Variants in TRIO observed in about 807,000 individuals in gnomAD.
The protein encoded by TRIO is trio Rho guanine nucleotide exchange factor, also known as triple functional domain protein.
Under a neutral mutation model 351.9 loss-of-function variants are expected in TRIO, and 58 were observed. The ratio of observed to expected loss-of-function variants is 0.16; its 90% CI spans 0.13 to 0.21. TRIO has a LOEUF of 0.21. Ranked by LOEUF, TRIO falls within the 10% of genes least tolerant of loss-of-function variation. The pLI, the probability that TRIO is intolerant of heterozygous loss-of-function variation, is 1.00. For synonymous variants in TRIO, 1,758 were observed against 1,595.7 expected, an observed-to-expected ratio of 1.10 and a Z score of -2.42; for missense variants, 3,201 against 4,027.8, an observed-to-expected ratio of 0.79 and a Z score of 5.56.
At chr5:14,393,998 C>A in intron 27 of TRIO, 40 bp from the exon 28 acceptor site, 1 of 1,372,060 alleles carries the variant, frequency 7.3e-7, no homozygotes. Context: ...AATAGTGTAG[C>A]CCTATGATAA....
chr5:14,348,996 C>T (rs1331637582), intron 11 of TRIO, among the ~76,000 whole-genome samples: 1 of 149,558 alleles, frequency 6.7e-6, no homozygotes, highest in Non-Finnish European at 1.5e-5. Flanking sequence ...TGTGCGCACG[C>T]ACATGAGCAT....
intron 13 of TRIO, among the ~76,000 whole-genome samples, chr5:14,360,595 G>T (rs1744058661): frequency 1.3e-5 from 2 of 152,244 alleles, no homozygotes; most frequent in South Asian, 4.1e-4. Context: ...TCAGGCTGGG[G>T]ATGGCAGGGC....
chr5:14,155,938 G>A (rs191036340), intron 1 of TRIO, among the ~76,000 whole-genome samples: 1 of 152,282 alleles, frequency 6.6e-6, no homozygotes, highest in East Asian at 1.9e-4. Context: ...TGATGGTTGC[G>A]AAATGTTGAT....
At chr5:14,418,594 C>G (rs1380094684) in intron 33 of TRIO, among the ~76,000 whole-genome samples, 1 of 152,170 alleles carries the variant, frequency 6.6e-6, no homozygotes, top group East Asian at 1.9e-4. Context: ...CATGATGAGT[C>G]ATGTCCCAGA....
At chr5:14,399,621 C>T (rs1180788905) in intron 30 of TRIO, among the ~76,000 whole-genome samples, 1 of 152,116 alleles carries the variant, frequency 6.6e-6, no homozygotes, top group Non-Finnish European at 1.5e-5. Context: ...AGACAGCTGC[C>T]CCTGAGTGCT....
At chr5:14,456,208 G>A (rs576614133) in intron 34 of TRIO, among the ~76,000 whole-genome samples, 9 of 152,328 alleles carry the variant, frequency 5.9e-5, no homozygotes, top group South Asian at 2.1e-4. Context: ...TCTTGCAGGC[G>A]CTAGCCTGCG....
intron 33 of TRIO, among the ~76,000 whole-genome samples, chr5:14,410,606 A>G (rs911468483): frequency 1.3e-5 from 2 of 152,220 alleles, no homozygotes; most frequent in Admixed American, 6.5e-5. Flanking sequence ...GACTTAATTT[A>G]TGATGTCTGT....
intron 34 of TRIO, among the ~76,000 whole-genome samples, chr5:14,455,480 T>G (rs1753214312): frequency 1.3e-5 from 2 of 151,996 alleles, no homozygotes; most frequent in South Asian, 4.1e-4. Context: ...TGCTGATTGG[T>G]GCATTTACAA....
chr5:14,472,701 G>C lies in TRIO; in HGVS notation c.5979+43G>C, dbSNP rs765602479. The C allele has an allele frequency of 7.5e-6, 12 of 1,605,618 alleles. No individual in the cohort carries two copies. In the African/African-American group the frequency reaches 1.5e-4, roughly 20 times the overall value. On this transcript the variant is annotated intron_variant, in intron 39 of 56. Coordinates refer to ENST00000344204, the MANE Select transcript of TRIO (RefSeq NM_007118.4). ...TTTAGTATCTTCGTATCAGTTCCAA[G>C]AGTTGTCAAAAGTAGTATCGTTTTA... is the stretch of plus-strand genomic sequence containing the variant.
At chr5:14,200,156 G>A (rs1791016932) in intron 1 of TRIO, among the ~76,000 whole-genome samples, 1 of 152,086 alleles carries the variant, frequency 6.6e-6, no homozygotes, top group Admixed American at 6.5e-5. Context: ...TATGTACTAG[G>A]GGCTTGGCTT....
chr5:14,402,702 A>G (rs1044955141), intron 31 of TRIO, among the ~76,000 whole-genome samples: 1 of 151,238 alleles, frequency 6.6e-6, no homozygotes, highest in Non-Finnish European at 1.5e-5. Flanking sequence ...TGATGGGGGT[A>G]TGGGTACAGA....
chr5:14,359,531 C>G lies in TRIO; in HGVS notation c.2391C>G (p.Asp797Glu), dbSNP rs544836641. Residue 797 changes from aspartate to glutamate, a missense_variant and splice_region_variant, in exon 13 of 57, where the codon GAC becomes GAG. Coordinates refer to ENST00000344204, the MANE Select transcript of TRIO (RefSeq NM_007118.4). The part of the protein sequence containing the change: ...QLRIFERDAI[D>E]IISDLESWND... Reference sequence around the variant, plus strand: ...GCATCTTCGAGAGGGACGCCATCGACGTGAGTGTCCCGCGGCTGGCGCCTG... The same window carrying G: ...GCATCTTCGAGAGGGACGCCATCGAGGTGAGTGTCCCGCGGCTGGCGCCTG... The G allele has an allele frequency of 6.2e-7, 1 of 1,612,868 alleles. No individual in the cohort carries two copies.
chr5:14,410,546 A>G (rs1224033797), intron 33 of TRIO, among the ~76,000 whole-genome samples: 1 of 152,234 alleles, frequency 6.6e-6, no homozygotes, highest in Non-Finnish European at 1.5e-5. Context: ...CTGATAACGC[A>G]GGCAGATGGA....
At chr5:14,354,708 C>T (rs549516613) in intron 11 of TRIO, among the ~76,000 whole-genome samples, 4 of 152,286 alleles carry the variant, frequency 2.6e-5, no homozygotes, top group Admixed American at 6.5e-5. Context: ...GAGGCAGCAC[C>T]GTTGGTAGCG....
chr5:14,300,048 G>T (rs1169093657), intron 7 of TRIO, among the ~76,000 whole-genome samples: 1 of 152,220 alleles, frequency 6.6e-6, no homozygotes, highest in Non-Finnish European at 1.5e-5. Flanking sequence ...GTCATCTCCA[G>T]TGAAGGTTGT....
At chr5:14,156,317 T>C (rs1322342153) in intron 1 of TRIO, among the ~76,000 whole-genome samples, 1 of 152,170 alleles carries the variant, frequency 6.6e-6, no homozygotes, top group South Asian at 2.1e-4. Context: ...TAGTAGTGAA[T>C]GGTATTTAGA....
chr5:14,234,235 T>C (rs1038523565), intron 1 of TRIO, among the ~76,000 whole-genome samples: 7 of 152,190 alleles, frequency 4.6e-5, no homozygotes, highest in African/African-American at 1.7e-4. Context: ...AGAGGTAGAA[T>C]GAATGGCAGA....
chr5:14,355,969 A>C (rs2042938), intron 11 of TRIO, among the ~76,000 whole-genome samples: 1 of 152,242 alleles, frequency 6.6e-6, no homozygotes, highest in African/African-American at 2.4e-5. Flanking sequence ...CCATTGATTA[A>C]AATTCTTGAA....
intron 34 of TRIO, among the ~76,000 whole-genome samples, chr5:14,456,299 G>C (rs543512830): frequency 6.6e-6 from 1 of 152,394 alleles, no homozygotes; most frequent in East Asian, 1.9e-4. Flanking sequence ...TCCAGCCTCA[G>C]CCAGCTCAGA....
Sources: allele counts gnomAD v4.1 joint callset (sites outside exome capture counted in the v4.1 genomes callset), GRCh38; gene constraint gnomAD v4.1.1; transcripts MANE v1.5; gene names NCBI Gene and HGNC (gene_info 2026-07-23, HGNC 2026-07-21).